The following TRIM28 variants were observed in gnomAD, a reference collection of about 807,000 sequenced individuals.
The protein encoded by TRIM28 is transcription intermediary factor 1-beta.
In TRIM28, 8 loss-of-function variants were observed where a neutral mutation model predicts 87.4. The ratio of observed to expected loss-of-function variants is 0.09; its 90% CI spans 0.05 to 0.17. The LOEUF (loss-of-function observed/expected upper bound fraction) is 0.17. Ranked by LOEUF, TRIM28 falls within the 10% of genes least tolerant of loss-of-function variation. The pLI, the probability that TRIM28 is intolerant of heterozygous loss-of-function variation, is 1.00. For missense variants in TRIM28, 968 were observed against 1,131.8 expected (o/e 0.86, Z 2.08); for synonymous variants, 601 against 454.3 (o/e 1.32, Z -4.11).
intron 6 of TRIM28, 36 bp downstream of exon 6, chr19:58,547,942 C>T: frequency 1.4e-5 from 23 of 1,613,696 alleles, no homozygotes; most frequent in Non-Finnish European, 1.7e-5. Flanking sequence ...TCCCTGAGCC[C>T]CCTCTGCTGA....
rs1250818380 is a variant in TRIM28 at position 58,547,249 on chromosome 19, C to G, written c.587-127C>G. 7 of 1,270,864 alleles carry G rather than the reference C, an allele frequency of 5.5e-6. No individual in the cohort carries two copies. In the Admixed American group the frequency reaches 8.6e-5, roughly 16 times the overall value. The allele number at this position is 1,270,864 out of a possible 1,614,324, so 78.7% of individuals were successfully genotyped here. A position where few individuals can be genotyped will look rare whatever the true frequency, so the allele number is the denominator to read the frequency against. On this transcript the variant is annotated intron_variant, in intron 3 of 16. Transcript: ENST00000253024. ...GCCTGTGTTCTTCCCTGGCCACACC[C>G]TCTACATCTTCCCAATAAATGGCCC...
In TRIM28 at chr19:58,547,315, C is replaced by G. The variant is rs74864841; in HGVS notation, c.587-61C>G. ...GCCGGAAATGAGGCCCCAACTCATTCTGCTTCCTGAGTTGGGGGTGGTGAA... is the reference window on the plus strand; with the variant it reads ...GCCGGAAATGAGGCCCCAACTCATTGTGCTTCCTGAGTTGGGGGTGGTGAA... On this transcript the variant is annotated intron_variant, in intron 3 of 16. Coordinates refer to ENST00000253024, the MANE Select transcript of TRIM28 (RefSeq NM_005762.3). 2,341 of 1,591,154 alleles carry G rather than the reference C, an allele frequency of 1.5e-3. 17 individuals carry two copies. The East Asian group carries it at 0.024, about 17-fold the overall frequency.
rs1263965418 is a variant in TRIM28, at chr19:58,548,166, C to T, written c.1087C>T (p.Leu363Phe). ...LESDNNTALL[L>F]SKKLIYFQLH... is the part of the protein sequence containing the mutation. ...GAGTGACAACAACACAGCCCTTTTG[C>T]TTTCTAAGAAGTTGGTGTGTACTGG... The change falls in exon 7 of 17, where the codon CTT becomes TTT. Residue 363 changes from leucine to phenylalanine, a missense_variant. This residue lies in a region of TRIM28 where 84 missense variants were observed against 139.9 expected (regional missense o/e 0.60). Coordinates refer to ENST00000253024, the MANE Select transcript of TRIM28 (RefSeq NM_005762.3). 6 of 1,614,200 alleles carry T rather than the reference C, an allele frequency of 3.7e-6. No homozygotes were observed. Among genetic ancestry groups the T allele is most frequent in the Admixed American group, 1.7e-5 (1 of 60,024 alleles).
Position 58,550,300 on chromosome 19 carries a change from G to A in TRIM28, c.2331+16G>A, listed in dbSNP as rs1385520114. Reference sequence around the variant, plus strand: ...GTTAACTGAGGTGAGCCAGTGGAATGGAGAGGCTGTGGGCAGGGGGAGATG... The same window carrying A: ...GTTAACTGAGGTGAGCCAGTGGAATAGAGAGGCTGTGGGCAGGGGGAGATG... On this transcript the variant is annotated intron_variant, in intron 16 of 16. Coordinates refer to ENST00000253024, the MANE Select transcript of TRIM28 (RefSeq NM_005762.3). The A allele has an allele frequency of 1.9e-6, 3 of 1,614,068 alleles. No homozygotes were observed. Among genetic ancestry groups the A allele is most frequent in the Admixed American group, 1.7e-5 (1 of 60,018 alleles).
Position 58,550,524 on chromosome 19 carries a change from C to T in TRIM28, c.2479C>T (p.Leu827=). 1 of 1,610,762 alleles carries T rather than the reference C, an allele frequency of 6.2e-7. No homozygotes were observed. Among genetic ancestry groups the T allele is most frequent in the Non-Finnish European group, 8.5e-7 (1 of 1,179,906 alleles). ...TGGTGCTGGCCTGAGTTCCCAGGAG[C>T]TGTCTGGTGGCCCTGGTGATGGCCC... ...LPGAGLSSQE[L]SGGPGDGP Residue 827 remains leucine, a synonymous_variant, in exon 17 of 17, where the codon CTG becomes TTG. Coordinates refer to ENST00000253024, the MANE Select transcript of TRIM28 (RefSeq NM_005762.3).
At position 58,544,974 on chromosome 19, in the gene TRIM28, C is replaced by G; in HGVS notation, c.217C>G (p.Arg73Gly). ...CTGCGGCGTGTGCAGAGAGCGCCTG[C>G]GACCCGAGAGGGAGCCCCGCCTGCT... is the stretch of plus-strand genomic sequence containing the variant. ...EHCGVCRERL[R>G]PEREPRLLPC... is the part of the protein sequence containing the mutation. Residue 73 changes from arginine (R) to glycine (G), a missense_variant, in exon 1 of 17, where the codon CGA becomes GGA. By Grantham distance (125) the Arg-to-Gly change is moderately radical (BLOSUM62 -2). Around this residue, in one of 11 missense-constraint regions of TRIM28, gnomAD observed 208 missense variants for 170.9 expected, o/e 1.22. Transcript: ENST00000253024. 1 of 1,514,264 alleles carries G rather than the reference C, an allele frequency of 6.6e-7. No homozygotes were observed. The highest frequency in any genetic ancestry group is 8.8e-7 in the Non-Finnish European group (1 of 1,140,456). 93.8% of individuals were successfully genotyped at this position (1,514,264 alleles called of 1,614,324 possible).
In TRIM28 at chr19:58,548,702, C is replaced by T. The variant is rs370481710; in HGVS notation, c.1324-38C>T. 2.2e-5 allele frequency: 36 copies of T among 1,612,234 alleles called. No individual in the cohort carries two copies. The South Asian group carries it at 3.3e-4, about 15-fold the overall frequency. On this transcript the variant is annotated intron_variant, in intron 9 of 16. Transcript: ENST00000253024. ...CAGGGAATGGGGTCCAGTAGGGTTCCTGTCCCACTGAGGCAGAGGGTTCTG... is the reference window on the plus strand; with the variant it reads ...CAGGGAATGGGGTCCAGTAGGGTTCTTGTCCCACTGAGGCAGAGGGTTCTG...
chr19:58,545,016 G>T lies in TRIM28; in HGVS notation c.259G>T (p.Ala87Ser), dbSNP rs1464119350. 6.7e-7 allele frequency: 1 copy of T among 1,497,418 alleles called. No individual in the cohort carries two copies. The highest frequency in any genetic ancestry group is 8.8e-7 in the Non-Finnish European group (1 of 1,135,086). The allele number at this position is 1,497,418 out of a possible 1,614,324, so 92.8% of individuals were successfully genotyped here. A position where few individuals can be genotyped will look rare whatever the true frequency, so the allele number is the denominator to read the frequency against. Reference sequence around the variant, plus strand: ...CCGCCTGCTGCCCTGTTTGCACTCGGCCTGTAGTGCCTGCTTAGGGCCCGC... The same window carrying T: ...CCGCCTGCTGCCCTGTTTGCACTCGTCCTGTAGTGCCTGCTTAGGGCCCGC... ...EPRLLPCLHS[A>S]CSACLGPAAP... Residue 87 changes from alanine to serine, a missense_variant, in exon 1 of 17, where the codon GCC becomes TCC. This residue lies in a region of TRIM28 where 208 missense variants were observed against 170.9 expected (regional missense o/e 1.22). Transcript: ENST00000253024.
intron 3 of TRIM28, 134 bp from the exon 4 acceptor site, chr19:58,547,242 C>A: frequency 1.7e-6 from 2 of 1,189,578 alleles, no homozygotes; most frequent in South Asian, 1.5e-5. Flanking sequence ...TCTTCCCTGG[C>A]CACACCCTCT....
chr19:58,547,579 A>C lies in TRIM28; in HGVS notation c.723-18A>C, dbSNP rs569745546. The C allele has an allele frequency of 4.0e-5, 64 of 1,613,848 alleles. 1 individual carries two copies. In the East Asian group the frequency reaches 1.2e-3, roughly 31 times the overall value. ...CTTCCGTAGCTTAGTGCTCAGGAAC[A>C]CATCTGTCTGCTCTCAGGTACCAGT... On this transcript the variant is annotated intron_variant, in intron 4 of 16. Transcript: ENST00000253024.
intron 1 of TRIM28, 133 bp from the exon 2 acceptor site, chr19:58,545,292 A>G (rs2053751104): frequency 1.1e-6 from 1 of 929,564 alleles, no homozygotes; most frequent in African/African-American, 1.7e-5. Flanking sequence ...AAGTTGGAGA[A>G]AAGAAGGCTC....
intron 2 of TRIM28, 54 bp downstream of exon 2, chr19:58,545,591 C>G (rs143510921): frequency 1.4e-4 from 207 of 1,516,782 alleles, no homozygotes; most frequent in Non-Finnish European, 1.9e-4. Flanking sequence ...GGCATCTGCG[C>G]AGGAGGAGCT....
In TRIM28 at chr19:58,550,413, C is replaced by T. The variant is rs778884648; in HGVS notation, c.2368C>T (p.Arg790Cys). The T allele has an allele frequency of 1.1e-5, 18 of 1,613,860 alleles. No homozygotes were observed. The highest frequency in any genetic ancestry group is 1.7e-5 in the Admixed American group (1 of 59,998). ...CGTGCAGTCCATCATCGGCCTGCAGCGCTTCTTCGAGACGCGCATGAACGA... is the reference window on the plus strand; with the variant it reads ...CGTGCAGTCCATCATCGGCCTGCAGTGCTTCTTCGAGACGCGCATGAACGA... ...ADVQSIIGLQ[R>C]FFETRMNEAF... Residue 790 changes from arginine to cysteine, a missense_variant, in exon 17 of 17, where the codon CGC becomes TGC. Arg to Cys is a radical substitution (Grantham distance 180). This residue lies in a region of TRIM28 where 192 missense variants were observed against 225.6 expected (regional missense o/e 0.85). Coordinates refer to ENST00000253024, the MANE Select transcript of TRIM28 (RefSeq NM_005762.3).
intron 1 of TRIM28, 54 bp downstream of exon 1, chr19:58,545,151 C>T (rs2053749629): frequency 7.4e-7 from 1 of 1,357,286 alleles, no homozygotes; most frequent in South Asian, 1.6e-5. Context: ...CCTTTGATTC[C>T]GACTGGGTGC....
At position 58,547,568 on chromosome 19, in the gene TRIM28, T is replaced by G. The variant is rs550288168; in HGVS notation, c.723-29T>G. ...GGGTGCCACCCCTTCCGTAGCTTAG[T>G]GCTCAGGAACACATCTGTCTGCTCT... is the stretch of plus-strand genomic sequence containing the variant. On this transcript the variant is annotated intron_variant, in intron 4 of 16. Transcript: ENST00000253024. 35 of 1,613,662 alleles carry G rather than the reference T, an allele frequency of 2.2e-5. No individual in the cohort carries two copies. In the South Asian group the frequency reaches 3.8e-4, roughly 18 times the overall value.
chr19:58,547,555 T>C, intron 4 of TRIM28, 42 bp from the exon 5 acceptor site: 5 of 1,613,516 alleles, frequency 3.1e-6, no homozygotes, highest in Non-Finnish European at 4.2e-6. Flanking sequence ...GTGCCACCCC[T>C]TCCGTAGCTT....
In TRIM28 at chr19:58,548,784, G is replaced by A. The variant is rs766812722; in HGVS notation, c.1360+8G>A. The A allele has an allele frequency of 6.2e-7, 1 of 1,614,070 alleles. No homozygotes were observed. The highest frequency in any genetic ancestry group is 8.5e-7 in the Non-Finnish European group (1 of 1,179,992). ...GCTATGGCTTTGGGTCAGGTGAGTG[G>A]GTCTGCCTAGTGGGTGGGGAAGGGC... On this transcript the variant is annotated splice_region_variant and intron_variant, in intron 10 of 16. Transcript: ENST00000253024.
rs1290047040 is a variant in TRIM28, at chr19:58,548,195, G to A, written c.1101+15G>A. ...CTAAGAAGTTGGTGTGTACTGGTGG[G>A]CTCCTGGCTGGTGGGTTCCAGGCAG... On this transcript the variant is annotated intron_variant, in intron 7 of 16. Coordinates refer to ENST00000253024, the MANE Select transcript of TRIM28 (RefSeq NM_005762.3). The A allele has an allele frequency of 2.5e-6, 4 of 1,613,560 alleles. No homozygotes were observed. Among genetic ancestry groups the A allele is most frequent in the Non-Finnish European group, 2.5e-6 (3 of 1,179,566 alleles).
chr19:58,548,952 T>TG, intron 11 of TRIM28, 36 bp from the exon 12 acceptor site: 1 of 1,613,696 alleles, frequency 6.2e-7, no homozygotes. Flanking sequence ...GGATGGAGGG[T>TG]GGGGGTGTAC....
Sources: gnomAD v4.1 joint callset for allele counts on GRCh38, gnomAD v4.1.1 for gene constraint, gnomAD v4.1.1 regional missense constraint, MANE v1.5 for transcripts, NCBI Gene and HGNC (gene_info 2026-07-23, HGNC 2026-07-21) for gene names.